UHRF2: variants seen among roughly 807,000 people sequenced by gnomAD.
UHRF2 encodes ubiquitin like with PHD and ring finger domains 2.
A neutral mutation model predicts 96.8 loss-of-function variants in UHRF2; 23 were observed. The observed-to-expected ratio is 0.24, with a 90% CI of 0.17 to 0.34. UHRF2 has a LOEUF of 0.34. Among genes scored for constraint, UHRF2 ranks in the 10% least tolerant of loss-of-function variants. The probability of loss-of-function intolerance (pLI) is 1.00; values close to 1 mark genes in which losing one functional copy is unlikely to be tolerated. For missense variants in UHRF2, 685 were observed against 981.5 expected, an observed-to-expected ratio of 0.70 and a Z score of 4.04; for synonymous variants, 385 against 332.6, an observed-to-expected ratio of 1.16 and a Z score of -1.72.
chr9:6,430,645 C>G (rs1260252475), intron 2 of UHRF2, among the ~76,000 whole-genome samples: 1 of 152,116 alleles, frequency 6.6e-6, no homozygotes. Flanking sequence ...ATATTCCGCC[C>G]TGATCACCCA....
At chr9:6,504,079 G>A (rs1816452382) in intron 14 of UHRF2, among the ~76,000 whole-genome samples, 1 of 139,310 alleles carries the variant, frequency 7.2e-6, no homozygotes, top group Admixed American at 7.8e-5. Context: ...AGGCTGGAGT[G>A]CAGTGGCGTG....
chr9:6,474,025 G>C (rs1454755848), intron 4 of UHRF2, among the ~76,000 whole-genome samples: 1 of 151,588 alleles, frequency 6.6e-6, no homozygotes, highest in Non-Finnish European at 1.5e-5. Context: ...TTCAAACACA[G>C]GCAAAACTGT....
chr9:6,433,577 A>G (rs1388101990), intron 2 of UHRF2, among the ~76,000 whole-genome samples: 2 of 152,218 alleles, frequency 1.3e-5, no homozygotes, highest in African/African-American at 4.8e-5. Flanking sequence ...CTGGCTTTTC[A>G]TTAGTGTCAT....
intron 3 of UHRF2, chr9:6,449,442 T>C (rs1019310814): frequency 5.3e-5 from 8 of 152,282 alleles, no homozygotes; most frequent in Admixed American, 3.9e-4. Flanking sequence ...CTAAGGGCTT[T>C]TACTGCCTAG....
intron 3 of UHRF2, among the ~76,000 whole-genome samples, chr9:6,452,006 C>G (rs901526308): frequency 1.3e-5 from 2 of 151,820 alleles, no homozygotes; most frequent in Admixed American, 1.3e-4. Context: ...GCCATATACC[C>G]ATATCTAGTG....
At chr9:6,426,849 A>G (rs1182701342) in intron 2 of UHRF2, among the ~76,000 whole-genome samples, 1 of 152,142 alleles carries the variant, frequency 6.6e-6, no homozygotes, top group African/African-American at 2.4e-5. Flanking sequence ...CCTGGGTTCA[A>G]GCGATTCTAC....
intron 15 of UHRF2, among the ~76,000 whole-genome samples, chr9:6,505,442 T>C (rs1428445639): frequency 6.6e-6 from 1 of 152,048 alleles, no homozygotes; most frequent in Non-Finnish European, 1.5e-5. Flanking sequence ...AGTACAAGCA[T>C]GCACCACCCT....
intron 9 of UHRF2, among the ~76,000 whole-genome samples, chr9:6,488,822 G>GT (rs71328191): frequency 0.055 from 8,103 of 147,012 alleles, 329 homozygotes; most frequent in African/African-American, 0.11. Context: ...GTTTTGTTTT[G>GT]TTTTTTTTGA....
At chr9:6,428,899 C>G (rs536209642) in intron 2 of UHRF2, among the ~76,000 whole-genome samples, 2 of 152,060 alleles carry the variant, frequency 1.3e-5, no homozygotes, top group African/African-American at 2.4e-5. Flanking sequence ...TGTGGTGGCT[C>G]ATGCCTGTAA....
chr9:6,468,349 A>G (rs1396867630), intron 4 of UHRF2: 5 of 430,214 alleles, frequency 1.2e-5, no homozygotes, highest in Admixed American at 1.0e-4. Flanking sequence ...ACCTGTTTGC[A>G]GGTAGGGTGG....
intron 3 of UHRF2, among the ~76,000 whole-genome samples, chr9:6,446,728 C>G (rs1821531650): frequency 6.6e-6 from 1 of 151,778 alleles, no homozygotes; most frequent in South Asian, 2.1e-4. Flanking sequence ...ACCTGTAGTC[C>G]CAGCTACTTG....
chr9:6,420,734 ATG>A (rs1465055730), intron 1 of UHRF2, among the ~76,000 whole-genome samples, 176 bp from the exon 2 acceptor site: 1 of 151,442 alleles, frequency 6.6e-6, no homozygotes, highest in Non-Finnish European at 1.5e-5. Flanking sequence ...GAGAGAGAGA[ATG>A]TATTGGGGTC....
intron 8 of UHRF2, among the ~76,000 whole-genome samples, chr9:6,484,870 C>T (rs1257903458): frequency 1.1e-4 from 16 of 146,070 alleles, no homozygotes; most frequent in Admixed American, 4.2e-4. Flanking sequence ...CTCGGCTCAC[C>T]GCAACCTCCG....
chr9:6,477,015 G>A (rs1440387815), intron 5 of UHRF2, among the ~76,000 whole-genome samples: 1 of 152,154 alleles, frequency 6.6e-6, no homozygotes. Context: ...TGAATCACCT[G>A]AGGGGTCAGG....
intron 4 of UHRF2, among the ~76,000 whole-genome samples, chr9:6,461,959 G>T (rs1165392237): frequency 6.6e-6 from 1 of 151,476 alleles, no homozygotes; most frequent in Non-Finnish European, 1.5e-5. Flanking sequence ...TTTATTGAGT[G>T]CCGAGGGTTT....
At chr9:6,425,075 C>A (rs1369255958) in intron 2 of UHRF2, among the ~76,000 whole-genome samples, 6 of 152,202 alleles carry the variant, frequency 3.9e-5, no homozygotes, top group African/African-American at 1.4e-4. Flanking sequence ...CCCACACCTC[C>A]TTCCTGTCTT....
intron 8 of UHRF2, 105 bp downstream of exon 8, chr9:6,482,204 T>G: frequency 1.1e-6 from 1 of 922,758 alleles, no homozygotes; most frequent in Non-Finnish European, 1.7e-6. Flanking sequence ...GACATTCACT[T>G]GTTAGAATGA....
intron 8 of UHRF2, among the ~76,000 whole-genome samples, chr9:6,486,441 G>T (rs1295841668): frequency 1.3e-5 from 2 of 152,222 alleles, no homozygotes; most frequent in Non-Finnish European, 2.9e-5. Flanking sequence ...CACTATCCAA[G>T]ACTAGAAATA....
chr9:6,506,093 C>T lies in UHRF2; in HGVS notation c.2323C>T (p.Leu775Phe). ...CTCCTGCCCTGCTTGCCGGCATGAT[C>T]TTGGCCAGAATTACATCATGATTCC... is the stretch of plus-strand genomic sequence containing the variant. Reference protein sequence around the residue: ...VFSCPACRHDLGQNYIMIPNE... With the variant: ...VFSCPACRHDFGQNYIMIPNE... The change falls in exon 16 of 16, where the codon CTT becomes TTT. Residue 775 changes from leucine to phenylalanine, a missense_variant. Physicochemically the swap from Leu to Phe is conservative, Grantham distance 22. Transcript: ENST00000276893. The T allele has an allele frequency of 6.2e-7, 1 of 1,614,200 alleles. No homozygotes were observed. Among genetic ancestry groups the T allele is most frequent in the Non-Finnish European group, 8.5e-7 (1 of 1,180,034 alleles).
Sources: allele counts gnomAD v4.1 joint callset (sites outside exome capture counted in the v4.1 genomes callset), GRCh38; gene constraint gnomAD v4.1.1; transcripts MANE v1.5; gene names NCBI Gene and HGNC (gene_info 2026-07-23, HGNC 2026-07-21).